UNC79: variants seen among roughly 807,000 people sequenced by gnomAD.
UNC79 encodes the protein unc-79 subunit of NALCN channel complex.
In UNC79, 37 loss-of-function variants were observed where a neutral mutation model predicts 283.1. The observed-to-expected ratio is 0.13, with a 90% CI of 0.10 to 0.17. The LOEUF (loss-of-function observed/expected upper bound fraction) is 0.17. Ranked by LOEUF, UNC79 falls within the 10% of genes least tolerant of loss-of-function variation. UNC79 has a pLI of 1.00. For missense variants in UNC79, 2,272 were observed against 3,211.1 expected (o/e 0.71, Z 7.07); for synonymous variants, 1,107 against 1,200.2 (o/e 0.92, Z 1.61).
At chr14:93,380,276 T>G (rs1280829740) in intron 1 of UNC79, among the ~76,000 whole-genome samples, 1 of 152,204 alleles carries the variant, frequency 6.6e-6, no homozygotes, top group African/African-American at 2.4e-5. Flanking sequence ...AAATGACACA[T>G]TAATATATGT....
intron 1 of UNC79, among the ~76,000 whole-genome samples, chr14:93,381,396 A>C (rs2054662980): frequency 6.6e-6 from 1 of 152,146 alleles, no homozygotes. Flanking sequence ...ATGGAGCTTC[A>C]TGTATGTGTC....
intron 27 of UNC79, among the ~76,000 whole-genome samples, chr14:93,615,743 A>AAAGAAAAG (rs1433737551): frequency 2.1e-5 from 3 of 143,334 alleles, no homozygotes; most frequent in Non-Finnish European, 3.0e-5. Context: ...AAAAAAAAAA[A>AAAGAAAAG]AAGAAAAGAA....
intron 7 of UNC79, among the ~76,000 whole-genome samples, chr14:93,523,205 CA>C (rs145165719): frequency 0.074 from 11,210 of 152,212 alleles, 476 homozygotes; most frequent in Middle Eastern, 0.14. Flanking sequence ...TTGTGATTCT[CA>C]GTCTGACTTA....
intron 26 of UNC79, among the ~76,000 whole-genome samples, chr14:93,610,365 G>A: frequency 6.6e-6 from 1 of 152,126 alleles, no homozygotes; most frequent in East Asian, 1.9e-4. Context: ...GTGAACATGA[G>A]GTGGCTGAGC....
chr14:93,377,072 G>A (rs1263596597), intron 1 of UNC79, among the ~76,000 whole-genome samples: 2 of 146,498 alleles, frequency 1.4e-5, no homozygotes, highest in East Asian at 4.0e-4. Context: ...ATTCAAGAAA[G>A]AAGTGCAATG....
intron 3 of UNC79, among the ~76,000 whole-genome samples, chr14:93,476,996 T>G (rs899464908): frequency 9.2e-5 from 14 of 152,168 alleles, no homozygotes; most frequent in Admixed American, 2.6e-4. Flanking sequence ...AAGATGTTGT[T>G]AGAAAGATTA....
At chr14:93,699,029 A>AG in intron 47 of UNC79, among the ~76,000 whole-genome samples, 1 of 152,298 alleles carries the variant, frequency 6.6e-6, no homozygotes, top group East Asian at 1.9e-4. Flanking sequence ...AGGATGGTAC[A>AG]TATTTTTTCA....
intron 1 of UNC79, among the ~76,000 whole-genome samples, chr14:93,411,517 T>A (rs1211458523): frequency 6.6e-6 from 1 of 152,248 alleles, no homozygotes; most frequent in East Asian, 1.9e-4. Flanking sequence ...GCTGACCCAG[T>A]GCAGTCCTGG....
At chr14:93,656,281 A>G (rs1170187159) in intron 38 of UNC79, among the ~76,000 whole-genome samples, 4 of 152,030 alleles carry the variant, frequency 2.6e-5, no homozygotes, top group East Asian at 3.9e-4. Flanking sequence ...TGCTTTCTCT[A>G]TGCAGATTAC....
intron 1 of UNC79, among the ~76,000 whole-genome samples, chr14:93,456,806 G>T (rs527561295): frequency 1.3e-5 from 2 of 152,186 alleles, no homozygotes; most frequent in African/African-American, 2.4e-5. Flanking sequence ...GCCATGCCTG[G>T]CTTCTCACAC....
At chr14:93,487,500 T>C (rs536819018) in intron 4 of UNC79, among the ~76,000 whole-genome samples, 163 bp from the exon 5 acceptor site, 1 of 152,334 alleles carries the variant, frequency 6.6e-6, no homozygotes, top group South Asian at 2.1e-4. Context: ...GTAGCATTTG[T>C]ATGCCAGGAC....
intron 24 of UNC79, among the ~76,000 whole-genome samples, chr14:93,599,986 G>C (rs1005213965): frequency 2.6e-5 from 4 of 152,198 alleles, no homozygotes; most frequent in Admixed American, 2.6e-4. Flanking sequence ...CAGATCACGA[G>C]GTCAGGAGAT....
chr14:93,500,792 CT>C (rs2059245353), intron 7 of UNC79, among the ~76,000 whole-genome samples: 1 of 152,152 alleles, frequency 6.6e-6, no homozygotes. Flanking sequence ...TGTTACATCA[CT>C]TTTTTCAGTT....
At chr14:93,527,571 G>A (rs1274456634) in intron 8 of UNC79, among the ~76,000 whole-genome samples, 2 of 152,172 alleles carry the variant, frequency 1.3e-5, no homozygotes, top group Non-Finnish European at 2.9e-5. Context: ...AATCATTGAA[G>A]TGTCTGTTTT....
rs1208294907 is a variant in UNC79, at chr14:93,700,076, T to TG, written c.7549-4549_7549-4548insG. Among the ~76,000 whole-genome samples the TG allele has an allele frequency of 1.1e-4, 17 of 151,660 alleles. 1 individual carries two copies. The highest frequency in any genetic ancestry group is 4.1e-4 in the African/African-American group (17 of 41,420). The stretch of plus-strand genomic sequence containing the variant: ...TTCTAGATGGATGGTTTCGGAGGTT[T>TG]TTTTTTTTTTTCAATACTTTAAAGA... On this transcript the variant is annotated intron_variant, in intron 47 of 48. Coordinates refer to ENST00000555664, the Ensembl canonical transcript of UNC79.
chr14:93,375,354 C>T (rs983081035), intron 1 of UNC79, among the ~76,000 whole-genome samples: 2 of 152,090 alleles, frequency 1.3e-5, no homozygotes, highest in African/African-American at 4.8e-5. Flanking sequence ...TGCACTCCAG[C>T]CTGAGTGACA....
At position 93,441,622 on chromosome 14, in the gene UNC79, A is replaced by G. The variant is rs1595485416; in HGVS notation, c.22+10571A>G. On this transcript the variant is annotated intron_variant, in intron 1 of 48. Transcript: ENST00000555664. ...ACTAACTAGTTCCCTACATTGAATA[A>G]TATTGCAATTAGCTTCTAACCTCTT... Among the ~76,000 whole-genome samples, 3 of 152,056 alleles carry G rather than the reference A, an allele frequency of 2.0e-5. No individual in the cohort carries two copies. In the East Asian group the frequency reaches 5.8e-4, roughly 29 times the overall value.
At chr14:93,399,279 G>A (rs182913031) in intron 1 of UNC79, among the ~76,000 whole-genome samples, 148 of 152,166 alleles carry the variant, frequency 9.7e-4, no homozygotes, top group Middle Eastern at 3.4e-3. Context: ...GATTTGGGTG[G>A]GGACACAGCC....
At chr14:93,537,254 C>T (rs1399980467) in intron 11 of UNC79, among the ~76,000 whole-genome samples, 1 of 152,230 alleles carries the variant, frequency 6.6e-6, no homozygotes, top group Admixed American at 6.5e-5. Flanking sequence ...TGAACAGTAC[C>T]ACCCCTGAAC....
Sources: gnomAD v4.1 joint callset for allele counts (sites outside exome capture counted in the v4.1 genomes callset) on GRCh38, gnomAD v4.1.1 for gene constraint, MANE v1.5 for transcripts, NCBI Gene and HGNC (gene_info 2026-07-23, HGNC 2026-07-21) for gene names.